HNRNPA3: variants seen among roughly 807,000 people sequenced by gnomAD.
The protein encoded by HNRNPA3 is heterogeneous nuclear ribonucleoprotein A3.
Under a neutral mutation model 45.8 loss-of-function variants are expected in HNRNPA3, and 3 were observed. That is an observed-to-expected ratio of 0.07 (90% confidence interval 0.03 to 0.17). The LOEUF is 0.17. Among genes scored for constraint, HNRNPA3 ranks in the 10% least tolerant of loss-of-function variants. HNRNPA3 has a pLI of 1.00. For missense variants in HNRNPA3, 183 were observed against 480.3 expected, an observed-to-expected ratio of 0.38 and a Z score of 5.79; for synonymous variants, 170 against 155.6, an observed-to-expected ratio of 1.09 and a Z score of -0.69.
At chr2:177,215,402 A>C in intron 1 of HNRNPA3, 137 bp from the exon 2 acceptor site, 1 of 929,610 alleles carries the variant, frequency 1.1e-6, no homozygotes, top group East Asian at 2.5e-5. Context: ...TGTCTGGTCA[A>C]AGTTTTAACT....
At chr2:177,215,398 G>T in intron 1 of HNRNPA3, 141 bp from the exon 2 acceptor site, 4 of 879,886 alleles carry the variant, frequency 4.5e-6, no homozygotes, top group Non-Finnish European at 7.2e-6. Flanking sequence ...CCGGTGTCTG[G>T]TCAAAGTTTT....
exon 11 of HNRNPA3, chr2:177,219,979 A>G (rs1189729979): frequency 6.6e-6 from 1 of 152,614 alleles, no homozygotes; most frequent in African/African-American, 2.4e-5. Flanking sequence ...TTTCCAAACC[A>G]TGATATGAAT....
chr2:177,223,458 A>T (rs899394908), downstream of HNRNPA3: 4 of 152,104 alleles, frequency 2.6e-5, no homozygotes, highest in Non-Finnish European at 1.5e-5. Flanking sequence ...TGTTAAACCA[A>T]TTTGTAAGTT....
intron 7 of HNRNPA3, 22 bp downstream of exon 7, chr2:177,216,962 ATGT>A (rs1444804042): frequency 7.5e-6 from 11 of 1,469,804 alleles, no homozygotes; most frequent in Non-Finnish European, 1.0e-5. Context: ...ATTTTCATTG[ATGT>A]TTGATATTTT....
chr2:177,216,604 C>T lies in HNRNPA3; in HGVS notation c.643+12C>T. Reference sequence around the variant, plus strand: ...TGGATCACAGAGAGGTGAGTAGGACCATACACATGTATACAGTGGATATGA... The same window carrying T: ...TGGATCACAGAGAGGTGAGTAGGACTATACACATGTATACAGTGGATATGA... On this transcript the variant is annotated intron_variant, in intron 5 of 10. Coordinates refer to ENST00000392524, the Ensembl canonical transcript of HNRNPA3. The T allele has an allele frequency of 6.2e-7, 1 of 1,612,522 alleles. No individual in the cohort carries two copies. The highest frequency in any genetic ancestry group is 8.5e-7 in the Non-Finnish European group (1 of 1,178,570).
chr2:177,214,282 G>A (rs1408931036), intron 1 of HNRNPA3, among the ~76,000 whole-genome samples: 1 of 152,144 alleles, frequency 6.6e-6, no homozygotes, highest in Non-Finnish European at 1.5e-5. Flanking sequence ...CCAGTTAGTT[G>A]TGACTCTTAA....
At chr2:177,222,876 T>C (rs1020744849), downstream of HNRNPA3, 3 of 152,634 alleles carry the variant, frequency 2.0e-5, no homozygotes, top group African/African-American at 7.2e-5. Flanking sequence ...ATTGGACCAA[T>C]AGGTTACATT....
chr2:177,223,880 A>G (rs1039782540), downstream of HNRNPA3: 4 of 152,234 alleles, frequency 2.6e-5, no homozygotes, highest in Admixed American at 2.0e-4. Flanking sequence ...TCACTTCACA[A>G]TGTTCATGTG....
intron 7 of HNRNPA3, 35 bp from the exon 8 acceptor site, chr2:177,217,670 T>A: frequency 6.2e-7 from 1 of 1,611,374 alleles, no homozygotes; most frequent in Non-Finnish European, 8.5e-7. Context: ...TACACTTAAG[T>A]TTTTGTGTGG....
chr2:177,213,176 C>T (rs1254496153), intron 1 of HNRNPA3, among the ~76,000 whole-genome samples: 1 of 142,556 alleles, frequency 7.0e-6, no homozygotes, highest in African/African-American at 2.6e-5. Flanking sequence ...TGGCGGGCCC[C>T]GGCGGGAGCG....
In HNRNPA3 at chr2:177,217,716, G is replaced by A. The variant is rs377512145; in HGVS notation, c.832G>A (p.Gly278Ser). ...TGTTGTTTTTTTAGGTGGCAACTAT[G>A]GCGGTGGTCCTGGTTATAGTAGTAG... The change falls in exon 8 of 11, where the codon GGC (glycine) becomes AGC (serine). Residue 278 changes from glycine to serine, a missense_variant. Physicochemically the swap from Gly to Ser is moderately conservative, Grantham distance 56. Transcript: ENST00000392524. 16 of 1,612,660 alleles carry A rather than the reference G, an allele frequency of 9.9e-6. No individual in the cohort carries two copies. In the African/African-American group the frequency reaches 1.7e-4, roughly 18 times the overall value.
At chr2:177,215,134 C>T (rs1302727657) in intron 1 of HNRNPA3, among the ~76,000 whole-genome samples, 1 of 152,080 alleles carries the variant, frequency 6.6e-6, no homozygotes, top group Non-Finnish European at 1.5e-5. Context: ...GGAGTTTTCG[C>T]TCCTATGGCC....
chr2:177,216,822 G>T, intron 6 of HNRNPA3, 38 bp from the exon 7 acceptor site: 2 of 1,613,192 alleles, frequency 1.2e-6, no homozygotes, highest in Non-Finnish European at 1.7e-6. Context: ...TTGGTAAGTT[G>T]AATATATTAT....
rs763998922 is a variant in HNRNPA3, at chr2:177,216,863, G to T, written c.743G>T (p.Gly248Val). ...TTCATTTCTTGTTTTTCCTCAGGAG[G>T]CTATGGTGGTGGAGGTGGTGGCAGC... The change falls in exon 7 of 11, where the codon GGC (glycine) becomes GTC (valine). Residue 248 changes from glycine (G) to valine (V), a missense_variant. By Grantham distance (109) the Gly-to-Val change is moderately radical. Around this residue, in one of 2 missense-constraint regions of HNRNPA3, gnomAD observed 123 missense variants for 228.8 expected, o/e 0.54. Transcript: ENST00000392524. 4.3e-6 allele frequency: 7 copies of T among 1,611,732 alleles called. No individual in the cohort carries two copies. The South Asian group carries it at 7.7e-5, about 18-fold the overall frequency.
Position 177,217,585 on chromosome 2 carries a change from C to G in HNRNPA3, c.821-120C>G, listed in dbSNP as rs1688998991. The G allele has an allele frequency of 3.3e-6, 4 of 1,206,246 alleles. No homozygotes were observed. In the African/African-American group the frequency reaches 6.0e-5, roughly 18 times the overall value. The allele number at this position is 1,206,246 out of a possible 1,614,324, so 74.7% of individuals were successfully genotyped here. A position where few individuals can be genotyped will look rare whatever the true frequency, so the allele number is the denominator to read the frequency against. On this transcript the variant is annotated intron_variant, in intron 7 of 10. Coordinates refer to ENST00000392524, the Ensembl canonical transcript of HNRNPA3. Reference sequence around the variant, plus strand: ...TCAAGGCTGCATTGCTGTGGTTGCACCACTGTACTTGAGCCCGGGCAACAG... The same window carrying G: ...TCAAGGCTGCATTGCTGTGGTTGCAGCACTGTACTTGAGCCCGGGCAACAG...
chr2:177,217,697 T>G lies in HNRNPA3; in HGVS notation c.821-8T>G. ...TTTGTGTGGTCTTGTTATTTGTTGT[T>G]TTTTTAGGTGGCAACTATGGCGGTG... On this transcript the variant is annotated splice_region_variant and splice_polypyrimidine_tract_variant and intron_variant, in intron 7 of 10. Coordinates refer to ENST00000392524, the Ensembl canonical transcript of HNRNPA3. 1 of 1,612,068 alleles carries G rather than the reference T, an allele frequency of 6.2e-7. No homozygotes were observed. Among genetic ancestry groups the G allele is most frequent in the Non-Finnish European group, 8.5e-7 (1 of 1,179,542 alleles).
intron 1 of HNRNPA3, among the ~76,000 whole-genome samples, chr2:177,213,843 G>C (rs1688801869): frequency 6.6e-6 from 1 of 152,246 alleles, no homozygotes; most frequent in South Asian, 2.1e-4. Flanking sequence ...AACCAGAGTT[G>C]AAATTTTCAC....
chr2:177,214,356 G>T (rs1688832415), intron 1 of HNRNPA3, among the ~76,000 whole-genome samples: 1 of 152,038 alleles, frequency 6.6e-6, no homozygotes, highest in African/African-American at 2.4e-5. Flanking sequence ...AAAGCTATTT[G>T]ATCGGCTTTT....
chr2:177,220,667 C>T (rs1331305883), downstream of HNRNPA3: 1 of 152,620 alleles, frequency 6.6e-6, no homozygotes, highest in Non-Finnish European at 1.5e-5. Flanking sequence ...AGGCTTCTCA[C>T]TTCCTACAGA....
Sources: allele counts gnomAD v4.1 joint callset (sites outside exome capture counted in the v4.1 genomes callset), GRCh38; gene constraint gnomAD v4.1.1; regional missense constraint gnomAD v4.1.1; transcripts MANE v1.5; gene names NCBI Gene and HGNC (gene_info 2026-07-23, HGNC 2026-07-21).